SLC25A26: variants seen among roughly 807,000 people sequenced by gnomAD.
SLC25A26 encodes solute carrier family 25 member 26.
A neutral mutation model predicts 37.8 loss-of-function variants in SLC25A26; 36 were observed. The observed-to-expected ratio is 0.95, with a 90% CI of 0.73 to 1.26. SLC25A26 has a LOEUF of 1.26. Among genes scored for constraint, SLC25A26 ranks in the 50% most tolerant of loss-of-function variants. The pLI is 0.00. For missense variants in SLC25A26, 390 were observed against 331.1 expected (o/e 1.18, Z -1.38); for synonymous variants, 129 against 122.5 (o/e 1.05, Z -0.35).
At chr3:66,189,257 T>G (rs1050934414) in intron 1 of SLC25A26, among the ~76,000 whole-genome samples, 119 of 152,090 alleles carry the variant, frequency 7.8e-4, no homozygotes, top group Non-Finnish European at 1.4e-3. Flanking sequence ...ACACCCACTC[T>G]CACTCTGACC....
intron 1 of SLC25A26, among the ~76,000 whole-genome samples, chr3:66,212,756 G>A (rs2071301622): frequency 6.6e-6 from 1 of 152,072 alleles, no homozygotes; most frequent in African/African-American, 2.4e-5. Flanking sequence ...TTTTGTGACT[G>A]GCTTATTTTG....
intron 5 of SLC25A26, among the ~76,000 whole-genome samples, chr3:66,311,352 G>A (rs537619818): frequency 1.2e-4 from 19 of 152,190 alleles, no homozygotes; most frequent in African/African-American, 4.6e-4. Flanking sequence ...GGTCATTTAT[G>A]TTCGTGTCTA....
intron 5 of SLC25A26, among the ~76,000 whole-genome samples, chr3:66,265,332 GA>G (rs2073703155): frequency 6.6e-6 from 1 of 152,130 alleles, no homozygotes; most frequent in Non-Finnish European, 1.5e-5. Context: ...AAAATAAAAA[GA>G]AGCATGTTAT....
At chr3:66,314,646 G>A (rs892046626) in intron 5 of SLC25A26, among the ~76,000 whole-genome samples, 1 of 152,182 alleles carries the variant, frequency 6.6e-6, no homozygotes. Context: ...ATGAATTAGG[G>A]AGGAGCACTT....
At chr3:66,244,555 G>A (rs1391321627) in intron 3 of SLC25A26, among the ~76,000 whole-genome samples, 1 of 152,188 alleles carries the variant, frequency 6.6e-6, no homozygotes, top group Non-Finnish European at 1.5e-5. Context: ...ATAGCCCACA[G>A]GGCCAGTTTT....
chr3:66,246,125 G>A (rs375497571), intron 3 of SLC25A26, among the ~76,000 whole-genome samples: 14 of 152,274 alleles, frequency 9.2e-5, no homozygotes, highest in East Asian at 3.9e-4. Context: ...AGGTTCATCC[G>A]TGTTGTAGCA....
intron 5 of SLC25A26, among the ~76,000 whole-genome samples, chr3:66,303,389 T>TCGTTAGCC (rs1302708271): frequency 6.6e-6 from 1 of 152,210 alleles, no homozygotes; most frequent in African/African-American, 2.4e-5. Flanking sequence ...CCTCTGCTGC[T>TCGTTAGCC]CGTTAGCCCT....
chr3:66,283,262 T>C (rs2074405215), intron 5 of SLC25A26, among the ~76,000 whole-genome samples: 1 of 152,148 alleles, frequency 6.6e-6, no homozygotes, highest in Non-Finnish European at 1.5e-5. Context: ...TTAGCTTTAT[T>C]AGAAACTGTG....
chr3:66,353,160 C>T lies in SLC25A26; in HGVS notation c.498+6752C>T, dbSNP rs187405553. On this transcript the variant is annotated intron_variant, in intron 6 of 9. Transcript: ENST00000354883. ...AGGGCTCAATAAGGTTGTCTTTCAC[C>T]TAGTTGCCTGAGCACCTTTTACTGT... 2.9e-3 allele frequency among the ~76,000 whole-genome samples: 449 copies of T among 152,318 alleles called. 4 individuals carry two copies. Among genetic ancestry groups the T allele is most frequent in the African/African-American group, 0.011 (442 of 41,568 alleles).
chr3:66,377,979 T>C lies in SLC25A26; in HGVS notation c.*172T>C, dbSNP rs2107892385. ...GTATAGGCTGGCTGGTATGAAGTCA[T>C]TGGCCTGTATGCCAGAGAGCTAAGA... On this transcript the variant is annotated 3_prime_UTR_variant, in exon 10 of 10. Coordinates refer to ENST00000354883, the MANE Select transcript of SLC25A26 (RefSeq NM_001379210.1). The C allele has an allele frequency of 3.5e-6, 2 of 574,834 alleles. No individual in the cohort carries two copies. The highest frequency in any genetic ancestry group is 2.4e-5 in the South Asian group (1 of 42,278). 35.6% of individuals were successfully genotyped at this position (574,834 alleles called of 1,614,324 possible).
intron 5 of SLC25A26, among the ~76,000 whole-genome samples, chr3:66,303,731 A>G (rs1011748758): frequency 4.6e-5 from 7 of 152,214 alleles, no homozygotes; most frequent in African/African-American, 1.7e-4. Context: ...TGATGATCTC[A>G]TGGGTCTCTA....
rs546449782 is a variant in SLC25A26, at chr3:66,294,594, C to T, written c.453+31215C>T. ...AAGTTAGAGGGAGAAAATAAAATTG[C>T]GAGTCAAGGTGGAATTTGTTTGGAA... On this transcript the variant is annotated intron_variant, in intron 5 of 9. Transcript: ENST00000354883. Among the ~76,000 whole-genome samples, 30 of 152,020 alleles carry T rather than the reference C, an allele frequency of 2.0e-4. No homozygotes were observed. In the South Asian group the frequency reaches 5.4e-3, roughly 27 times the overall value.
At position 66,261,999 on chromosome 3, in the gene SLC25A26, A is replaced by G. The variant is rs189205845; in HGVS notation, c.301-52A>G. 3.6e-5 allele frequency: 42 copies of G among 1,157,366 alleles called. No homozygotes were observed. The East Asian group carries it at 5.2e-4, about 14-fold the overall frequency. 71.7% of individuals were successfully genotyped at this position (1,157,366 alleles called of 1,614,324 possible). A position where few individuals can be genotyped will look rare whatever the true frequency, so the allele number is the denominator to read the frequency against. ...AATTTTTGCTTACCAAAAAATTTCAATTTTTATAGCAGTTATTTACTTTTT... is the reference window on the plus strand; with the variant it reads ...AATTTTTGCTTACCAAAAAATTTCAGTTTTTATAGCAGTTATTTACTTTTT... On this transcript the variant is annotated intron_variant, in intron 3 of 9. Transcript: ENST00000354883.
At chr3:66,150,322 A>G (rs906656960) in intron 1 of SLC25A26, among the ~76,000 whole-genome samples, 1 of 151,058 alleles carries the variant, frequency 6.6e-6, no homozygotes, top group Non-Finnish European at 1.5e-5. Flanking sequence ...ACATGATGAA[A>G]TCCTGTCTTT....
At chr3:66,284,150 T>C (rs2074432810) in intron 5 of SLC25A26, among the ~76,000 whole-genome samples, 1 of 152,164 alleles carries the variant, frequency 6.6e-6, no homozygotes, top group South Asian at 2.1e-4. Context: ...AGTTTGAGAC[T>C]AGCCTGGGCA....
intron 1 of SLC25A26, among the ~76,000 whole-genome samples, chr3:66,169,351 G>A (rs1051904183): frequency 1.3e-5 from 2 of 152,188 alleles, no homozygotes; most frequent in African/African-American, 4.8e-5. Context: ...CGGTTTCTCA[G>A]TTAGACCAAT....
chr3:66,344,319 C>T (rs907702010), intron 5 of SLC25A26, among the ~76,000 whole-genome samples: 10 of 152,070 alleles, frequency 6.6e-5, no homozygotes, highest in Admixed American at 5.9e-4. Context: ...AAAAATTAGC[C>T]AGGCGTGGTG....
At chr3:66,175,132 TATATATATACAC>T (rs1236624308) in intron 1 of SLC25A26, among the ~76,000 whole-genome samples, 3 of 123,314 alleles carry the variant, frequency 2.4e-5, no homozygotes, top group Admixed American at 8.0e-5. Context: ...TATATATATA[TATATATATACAC>T]ACACACACAC....
intron 8 of SLC25A26, 65 bp downstream of exon 8, chr3:66,369,607 AGG>A: frequency 7.5e-7 from 1 of 1,342,268 alleles, no homozygotes; most frequent in Admixed American, 2.0e-5. Context: ...CTAGGACTAC[AGG>A]TGTATAAAGT....
Sources: allele counts gnomAD v4.1 joint callset (sites outside exome capture counted in the v4.1 genomes callset), GRCh38; gene constraint gnomAD v4.1.1; transcripts MANE v1.5; gene names NCBI Gene and HGNC (gene_info 2026-07-23, HGNC 2026-07-21).